Variants in ELL2 observed in about 807,000 individuals in gnomAD.
ELL2 encodes the protein RNA polymerase II elongation factor ELL2.
ELL2 carries 21 observed loss-of-function variants against 72.8 expected under a neutral mutation model. That is an observed-to-expected ratio of 0.29 (90% CI 0.20 to 0.42). ELL2 has a LOEUF of 0.42. Ranked by LOEUF, ELL2 falls within the 10% of genes least tolerant of loss-of-function variation. ELL2 has a pLI of 1.00. For synonymous variants in ELL2, 266 were observed against 283.2 expected, an observed-to-expected ratio of 0.94 and a Z score of 0.61; for missense variants, 568 against 772.8, an observed-to-expected ratio of 0.73 and a Z score of 3.14.
At chr5:95,958,508 T>C (rs1399797978) in intron 1 of ELL2, among the ~76,000 whole-genome samples, 3 of 152,224 alleles carry the variant, frequency 2.0e-5, no homozygotes, top group African/African-American at 7.2e-5. Context: ...CTCATTTTTT[T>C]GGTTTCTTCC....
At chr5:95,893,470 C>T (rs925208257) in intron 9 of ELL2, among the ~76,000 whole-genome samples, 11 of 152,126 alleles carry the variant, frequency 7.2e-5, no homozygotes, top group Admixed American at 3.9e-4. Flanking sequence ...CTGCAAACTC[C>T]GCCTCCCGGG....
intron 2 of ELL2, among the ~76,000 whole-genome samples, chr5:95,925,071 G>C (rs1278635063): frequency 6.6e-6 from 1 of 152,152 alleles, no homozygotes; most frequent in Non-Finnish European, 1.5e-5. Flanking sequence ...CTCAATATTG[G>C]ATTGAGGTAT....
intron 10 of ELL2, among the ~76,000 whole-genome samples, chr5:95,889,797 T>G (rs894349352): frequency 6.6e-6 from 1 of 150,648 alleles, no homozygotes; most frequent in Admixed American, 6.6e-5. Flanking sequence ...TTTTATACCA[T>G]GTGTACATAC....
rs553987064 is a variant in ELL2 at position 95,913,090 on chromosome 5, A to G, written c.481+681T>C. Reference sequence around the variant, plus strand: ...TTGTTAAGGTCACTGCTCATAAAGGAGAGACTCATCTTGCAAGTCTGGTCT... The same window carrying G: ...TTGTTAAGGTCACTGCTCATAAAGGGGAGACTCATCTTGCAAGTCTGGTCT... On this transcript the variant is annotated intron_variant, in intron 4 of 11. Transcript: ENST00000237853. 5.9e-5 allele frequency among the ~76,000 whole-genome samples: 9 copies of G among 152,306 alleles called. No homozygotes were observed. The South Asian group carries it at 1.9e-3, about 32-fold the overall frequency.
At chr5:95,945,316 T>C (rs765450454) in intron 1 of ELL2, among the ~76,000 whole-genome samples, 1 of 152,152 alleles carries the variant, frequency 6.6e-6, no homozygotes, top group African/African-American at 2.4e-5. Context: ...CAGTCTCTTC[T>C]CTCCCCGACT....
At chr5:95,958,130 G>A (rs1751685862) in intron 1 of ELL2, among the ~76,000 whole-genome samples, 1 of 152,210 alleles carries the variant, frequency 6.6e-6, no homozygotes, top group Non-Finnish European at 1.5e-5. Context: ...TCCTATATGA[G>A]TACAGGAATG....
intron 1 of ELL2, among the ~76,000 whole-genome samples, chr5:95,953,703 C>A (rs1751506137): frequency 2.0e-5 from 3 of 149,244 alleles, no homozygotes; most frequent in Admixed American, 1.3e-4. Flanking sequence ...TAAGGAACTG[C>A]CAATAAAAAA....
rs368791628 is a variant in ELL2 at position 95,956,578 on chromosome 5, T to C, written c.147+4997A>G. ...CAGTCTTCTGCATTTATAAGGCAGATTATTGAAAACACATACAAAATATGG... is the reference window on the plus strand; with the variant it reads ...CAGTCTTCTGCATTTATAAGGCAGACTATTGAAAACACATACAAAATATGG... On this transcript the variant is annotated intron_variant, in intron 1 of 11. Transcript: ENST00000237853. 8.5e-5 allele frequency among the ~76,000 whole-genome samples: 13 copies of C among 152,248 alleles called. No individual in the cohort carries two copies. In the East Asian group the frequency reaches 2.5e-3, roughly 29 times the overall value.
In ELL2 at chr5:95,960,698, G is replaced by A. The variant is rs374276609; in HGVS notation, c.147+877C>T. 9.2e-5 allele frequency among the ~76,000 whole-genome samples: 14 copies of A among 152,182 alleles called. No homozygotes were observed. The East Asian group carries it at 2.3e-3, about 25-fold the overall frequency. On this transcript the variant is annotated intron_variant, in intron 1 of 11. Transcript: ENST00000237853. ...GCTTTTTCGGGTACGTTGAGCGTCC[G>A]TGAACCTCTCTCTCCAGAACCCGAT...
Position 95,900,800 on chromosome 5 carries a change from T to C in ELL2, c.867-20A>G, listed in dbSNP as rs376249383. 5.0e-6 allele frequency: 8 copies of C among 1,591,814 alleles called. No individual in the cohort carries two copies. Among genetic ancestry groups the C allele is most frequent in the Admixed American group, 3.5e-5 (2 of 56,540 alleles). On this transcript the variant is annotated intron_variant, in intron 6 of 11. Transcript: ENST00000237853. ...AGTTTTCTGTAAAGGACACACATGTTATGTGTTAAGGAGATGATTTAAAAA... is the reference window on the plus strand; with the variant it reads ...AGTTTTCTGTAAAGGACACACATGTCATGTGTTAAGGAGATGATTTAAAAA...
intron 9 of ELL2, among the ~76,000 whole-genome samples, chr5:95,894,354 A>G (rs1027491653): frequency 6.6e-6 from 1 of 152,276 alleles, no homozygotes; most frequent in Admixed American, 6.5e-5. Context: ...TCTGTCGTAT[A>G]TAATAAGTAT....
intron 1 of ELL2, among the ~76,000 whole-genome samples, chr5:95,954,436 T>C (rs1751541495): frequency 6.7e-6 from 1 of 148,744 alleles, no homozygotes; most frequent in Admixed American, 6.6e-5. Flanking sequence ...AGACAGAGTC[T>C]TGCTCTGTCG....
At chr5:95,889,321 A>G (rs1748575121) in intron 10 of ELL2, among the ~76,000 whole-genome samples, 191 bp from the exon 11 acceptor site, 1 of 152,212 alleles carries the variant, frequency 6.6e-6, no homozygotes. Flanking sequence ...CAGCAATTCT[A>G]CTTATCCTAT....
Position 95,885,622 on chromosome 5 carries a change from T to C in ELL2, c.*3249A>G, listed in dbSNP as rs1349510826. ...AAGGCATCCAAGCAGAGTGTCTGAA[T>C]TGATGGACCACTTTTGTCTAAAACT... On this transcript the variant is annotated 3_prime_UTR_variant, in exon 12 of 12. Transcript: ENST00000237853. The C allele has an allele frequency of 6.6e-6, 1 of 152,250 alleles. No homozygotes were observed. Among genetic ancestry groups the C allele is most frequent in the East Asian group, 1.9e-4 (1 of 5,202 alleles). The allele number at this position is 152,250 out of a possible 1,614,324, so 9.4% of individuals were successfully genotyped here. A position where few individuals can be genotyped will look rare whatever the true frequency, so the allele number is the denominator to read the frequency against.
chr5:95,948,451 A>AAAAAAAAAAAAC (rs1462863900), intron 1 of ELL2, among the ~76,000 whole-genome samples: 2 of 150,296 alleles, frequency 1.3e-5, no homozygotes, highest in Admixed American at 6.6e-5. Context: ...AAAAAAAAAA[A>AAAAAAAAAAAAC]AAGCCACAGG....
chr5:95,961,426 C>T (rs1751847320), intron 1 of ELL2, 149 bp downstream of exon 1: 2 of 998,306 alleles, frequency 2.0e-6, no homozygotes, highest in Non-Finnish European at 2.6e-6. Context: ...CGTCAGCCAC[C>T]CTGCCCGGCC....
chr5:95,900,633 G>T, intron 7 of ELL2, 60 bp downstream of exon 7: 1 of 1,230,984 alleles, frequency 8.1e-7, no homozygotes, highest in Non-Finnish European at 1.1e-6. Flanking sequence ...TACATCAGAG[G>T]ACCTGATTAG....
chr5:95,942,605 G>A (rs1437395400), intron 2 of ELL2, among the ~76,000 whole-genome samples: 1 of 151,984 alleles, frequency 6.6e-6, no homozygotes, highest in East Asian at 1.9e-4. Flanking sequence ...TTAAAAAAGT[G>A]CACACACAGC....
chr5:95,930,121 A>G (rs933557460), intron 2 of ELL2, among the ~76,000 whole-genome samples: 10 of 152,206 alleles, frequency 6.6e-5, no homozygotes, highest in African/African-American at 2.2e-4. Flanking sequence ...CTTCTTGTCA[A>G]ATAGGAAGCA....
Sources: gnomAD v4.1 joint callset for allele counts (sites outside exome capture counted in the v4.1 genomes callset) on GRCh38, gnomAD v4.1.1 for gene constraint, MANE v1.5 for transcripts, NCBI Gene and HGNC (gene_info 2026-07-23, HGNC 2026-07-21) for gene names.